The following CEP295 variants were observed in gnomAD, a reference collection of about 807,000 sequenced individuals.
The protein encoded by CEP295 is centrosomal protein of 295 kDa.
Under a neutral mutation model 291.6 loss-of-function variants are expected in CEP295, and 190 were observed. The ratio of observed to expected loss-of-function variants is 0.65; its 90% CI spans 0.58 to 0.73. The LOEUF (loss-of-function observed/expected upper bound fraction) is 0.73. CEP295 is among the 30% of genes least tolerant of loss of function. CEP295 has a pLI of 0.00. For synonymous variants in CEP295, 993 were observed against 1,038.8 expected, an observed-to-expected ratio of 0.96 and a Z score of 0.85; for missense variants, 2,863 against 2,949.4, an observed-to-expected ratio of 0.97 and a Z score of 0.68.
At chr11:93,673,535 C>T (rs1331519645) in intron 5 of CEP295, among the ~76,000 whole-genome samples, 12 of 151,810 alleles carry the variant, frequency 7.9e-5, no homozygotes, top group Admixed American at 7.9e-4. Context: ...ATTCTGTCGC[C>T]CAGGCTGGAG....
chr11:93,725,748 T>C lies in CEP295; in HGVS notation c.6416T>C (p.Leu2139Pro), dbSNP rs1203901877. The C allele has an allele frequency of 6.4e-7, 1 of 1,551,832 alleles. No homozygotes were observed. Among genetic ancestry groups the C allele is most frequent in the Admixed American group, 2.0e-5 (1 of 50,984 alleles). ...ALRRTSMHSS[L>P]NTSPNQQPDT... is the part of the protein sequence containing the mutation. ...AGGAGGACCAGCATGCATTCTTCTC[T>C]TAACACAAGTCCGAATCAACAACCT... Residue 2139 changes from leucine to proline, a missense_variant, in exon 23 of 30, where the codon CTT (leucine) becomes CCT (proline). This residue lies in a region of CEP295 where 2,295 missense variants were observed against 2,335.7 expected (regional missense o/e 0.98). Transcript: ENST00000325212.
intron 18 of CEP295, among the ~76,000 whole-genome samples, chr11:93,720,276 C>T (rs1225084200): frequency 6.6e-6 from 1 of 151,490 alleles, no homozygotes; most frequent in African/African-American, 2.4e-5. Context: ...AGTTCGAGAC[C>T]AGCCTGGCCA....
Position 93,725,742 on chromosome 11 carries a change from C to A in CEP295, c.6410C>A (p.Ser2137Tyr). 2 of 1,551,798 alleles carry A rather than the reference C, an allele frequency of 1.3e-6. No homozygotes were observed. The highest frequency in any genetic ancestry group is 1.7e-6 in the Non-Finnish European group (2 of 1,146,964). Residue 2137 changes from serine to tyrosine, a missense_variant, in exon 23 of 30, where the codon TCT becomes TAT. By Grantham distance (144) the Ser-to-Tyr change is moderately radical (BLOSUM62 -2). Around this residue, in one of 3 missense-constraint regions of CEP295, gnomAD observed 2,295 missense variants for 2,335.7 expected, o/e 0.98. Coordinates refer to ENST00000325212, the MANE Select transcript of CEP295 (RefSeq NM_033395.2). ...FTALRRTSMH[S>Y]SLNTSPNQQP... ...GCACTGAGGAGGACCAGCATGCATT[C>A]TTCTCTTAACACAAGTCCGAATCAA...
intron 5 of CEP295, among the ~76,000 whole-genome samples, chr11:93,673,804 A>T (rs1482391215): frequency 6.6e-6 from 1 of 151,744 alleles, no homozygotes; most frequent in East Asian, 2.0e-4. Flanking sequence ...CAGCTTTTTA[A>T]CAATGCTAAT....
Position 93,723,116 on chromosome 11 carries a change from G to C in CEP295, c.6023G>C (p.Ser2008Thr). Residue 2008 changes from serine (S) to threonine (T), a missense_variant, in exon 21 of 30, where the codon AGT (serine) becomes ACT (threonine). Ser to Thr is a moderately conservative substitution (Grantham distance 58, BLOSUM62 1). Around this residue, in one of 3 missense-constraint regions of CEP295, gnomAD observed 2,295 missense variants for 2,335.7 expected, o/e 0.98. Transcript: ENST00000325212. ...AAAGAAGAGGAAACAAATATTATAA[G>C]TTCCATAGTTCCTTCAACACAAGAT... ...TSKEEETNII[S>T]SIVPSTQDIY... 7.7e-6 allele frequency: 12 copies of C among 1,551,678 alleles called. No homozygotes were observed. The highest frequency in any genetic ancestry group is 1.4e-5 in the African/African-American group (1 of 73,148).
Position 93,666,811 on chromosome 11 carries a change from T to A in CEP295, c.104T>A (p.Leu35Gln), listed in dbSNP as rs1006738947. Residue 35 changes from leucine to glutamine, a missense_variant, in exon 2 of 30, where the codon CTA becomes CAA. Leu to Gln is a moderately radical substitution (Grantham distance 113). Around this residue, in one of 3 missense-constraint regions of CEP295, gnomAD observed 554 missense variants for 576.0 expected, o/e 0.96. Coordinates refer to ENST00000325212, the MANE Select transcript of CEP295 (RefSeq NM_033395.2). Reference sequence around the variant, plus strand: ...GAAAGAAGGCGAAAACTAAGATTGCTACAGGTATGACTTATTTGTAATAAA... The same window carrying A: ...GAAAGAAGGCGAAAACTAAGATTGCAACAGGTATGACTTATTTGTAATAAA... ...DYERRRKLRL[L>Q]QVREQERDIA... is the part of the protein sequence containing the mutation. The A allele has an allele frequency of 6.7e-7, 1 of 1,498,310 alleles. No homozygotes were observed. The highest frequency in any genetic ancestry group is 9.1e-7 in the Non-Finnish European group (1 of 1,100,182). 92.8% of individuals were successfully genotyped at this position (1,498,310 alleles called of 1,614,324 possible).
intron 4 of CEP295, among the ~76,000 whole-genome samples, chr11:93,669,364 A>C (rs901302118): frequency 2.0e-5 from 3 of 151,636 alleles, no homozygotes; most frequent in South Asian, 4.2e-4. Context: ...AAAGTAAAAA[A>C]TTAAGGGCCC....
intron 5 of CEP295, among the ~76,000 whole-genome samples, chr11:93,671,506 C>G (rs958989412): frequency 6.6e-6 from 1 of 152,198 alleles, no homozygotes; most frequent in Non-Finnish European, 1.5e-5. Context: ...TTAATTTACT[C>G]TGTCCCGTAT....
chr11:93,724,209 A>AT lies in CEP295; in HGVS notation c.6197-38dup, dbSNP rs1160924939. Reference sequence around the variant, plus strand: ...TGTTTACCTTAAAAATAAATTTATGATTTTTTTCCCTCAAAAATTCTAACA... The same window carrying AT: ...TGTTTACCTTAAAAATAAATTTATGATTTTTTTTCCCTCAAAAATTCTAACA... On this transcript the variant is annotated intron_variant, in intron 21 of 29. Coordinates refer to ENST00000325212, the MANE Select transcript of CEP295 (RefSeq NM_033395.2). The AT allele has an allele frequency of 1.5e-5, 23 of 1,505,152 alleles. No homozygotes were observed. The African/African-American group carries it at 1.8e-4, about 12-fold the overall frequency. 93.2% of individuals were successfully genotyped at this position (1,505,152 alleles called of 1,614,324 possible).
At chr11:93,713,748 A>T (rs571712701) in intron 18 of CEP295, among the ~76,000 whole-genome samples, 2 of 151,856 alleles carry the variant, frequency 1.3e-5, no homozygotes, top group African/African-American at 4.8e-5. Context: ...CTTTGAACAA[A>T]CTCTATCCCT....
intron 17 of CEP295, among the ~76,000 whole-genome samples, chr11:93,703,767 CTTTT>C (rs748490554): frequency 3.9e-5 from 5 of 127,936 alleles, no homozygotes; most frequent in East Asian, 2.2e-4. Context: ...CCCTGTAATT[CTTTT>C]TTTTTTTTTT....
intron 9 of CEP295, among the ~76,000 whole-genome samples, chr11:93,684,458 G>A (rs1479820466): frequency 6.6e-6 from 1 of 152,142 alleles, no homozygotes; most frequent in African/African-American, 2.4e-5. Context: ...GAATGACCCT[G>A]TGTGGCATAC....
chr11:93,718,243 GTT>G (rs925289997), intron 18 of CEP295, among the ~76,000 whole-genome samples: 2 of 152,190 alleles, frequency 1.3e-5, no homozygotes, highest in African/African-American at 4.8e-5. Flanking sequence ...GGTCTGTCTT[GTT>G]ACTACTATTC....
At chr11:93,666,017 A>C (rs1439331018) in intron 1 of CEP295, among the ~76,000 whole-genome samples, 5 of 152,198 alleles carry the variant, frequency 3.3e-5, no homozygotes, top group African/African-American at 1.2e-4. Flanking sequence ...ACATCTTTTT[A>C]GGTCTTTGTG....
chr11:93,706,601 G>T, intron 17 of CEP295, 144 bp from the exon 18 acceptor site: 1 of 581,878 alleles, frequency 1.7e-6, no homozygotes. Context: ...TAATATAAAA[G>T]CTTGACTGTG....
At chr11:93,690,560 C>CAAA (rs756087606) in intron 10 of CEP295, among the ~76,000 whole-genome samples, 11 of 53,130 alleles carry the variant, frequency 2.1e-4, no homozygotes, top group Non-Finnish European at 2.4e-4. Context: ...CTCTGTCTCA[C>CAAA]AAAAAAAAAA....
chr11:93,721,971 T>C lies in CEP295; in HGVS notation c.5868T>C (p.Tyr1956=), dbSNP rs760594067. 1.1e-5 allele frequency: 18 copies of C among 1,605,472 alleles called. No individual in the cohort carries two copies. The highest frequency in any genetic ancestry group is 1.3e-5 in the African/African-American group (1 of 74,754). ...KPDDKAKTLS[Y]EPLSSATVST... ...ATTTCTAGGCTAAAACACTGTCTTA[T>C]GAACCATTATCTTCAGCAACTGTTT... Residue 1956 remains tyrosine, a synonymous_variant, in exon 20 of 30, where the codon TAT becomes TAC. Coordinates refer to ENST00000325212, the MANE Select transcript of CEP295 (RefSeq NM_033395.2).
chr11:93,706,115 G>A (rs1250260642), intron 17 of CEP295, among the ~76,000 whole-genome samples: 1 of 152,156 alleles, frequency 6.6e-6, no homozygotes, highest in African/African-American at 2.4e-5. Context: ...GTTTCCTCTG[G>A]GGATGATGTT....
Position 93,730,057 on chromosome 11 carries a change from A to C in CEP295, c.7676A>C (p.Asn2559Thr). Residue 2559 changes from asparagine to threonine, a missense_variant, in exon 29 of 30, where the codon AAT becomes ACT. By Grantham distance (65) the Asn-to-Thr change is moderately conservative. Around this residue, in one of 3 missense-constraint regions of CEP295, gnomAD observed 2,295 missense variants for 2,335.7 expected, o/e 0.98. Transcript: ENST00000325212. ...ATATAAATTCTTTACAGGTTATACA[A>C]TCAACTAGCTGAAGTGAAACAACAA... The part of the protein sequence containing the change: ...LRHQRGLRLY[N>T]QLAEVKQQKE... 6.5e-7 allele frequency: 1 copy of C among 1,549,250 alleles called. No homozygotes were observed. The highest frequency in any genetic ancestry group is 8.7e-7 in the Non-Finnish European group (1 of 1,146,006).
Sources: allele counts gnomAD v4.1 joint callset (sites outside exome capture counted in the v4.1 genomes callset), GRCh38; gene constraint gnomAD v4.1.1; regional missense constraint gnomAD v4.1.1; transcripts MANE v1.5; gene names NCBI Gene and HGNC (gene_info 2026-07-23, HGNC 2026-07-21).